The following ZNF469 variants were observed in gnomAD, a reference collection of about 807,000 sequenced individuals.
ZNF469 encodes the protein zinc finger protein 469.
A neutral mutation model predicts 1.0 loss-of-function variants in ZNF469; 1 was observed. The ratio of observed to expected loss-of-function variants is 1.00; its 90% CI spans 0.35 to 4.73. The LOEUF is 4.73. ZNF469 is among the 30% of genes most tolerant of loss of function. The pLI, the probability that ZNF469 is intolerant of heterozygous loss-of-function variation, is 0.16. For synonymous variants in ZNF469, 2,703 were observed against 2,363.4 expected (o/e 1.14, Z -4.17); for missense variants, 6,100 against 5,356.3 (o/e 1.14, Z -4.33).
the ZNF469 span, among the ~76,000 whole-genome samples, chr16:88,120,921 C>G: frequency 1.7e-4 from 26 of 152,290 alleles, no homozygotes; most frequent in South Asian, 1.7e-3. Flanking sequence ...TTTCTTGGTC[C>G]TCAGCCATGC....
the ZNF469 span, among the ~76,000 whole-genome samples, chr16:88,272,928 G>A: frequency 3.5e-4 from 51 of 146,332 alleles, no homozygotes; most frequent in African/African-American, 1.2e-3. Context: ...GTGGATAGAC[G>A]AGTGGACGGA....
the ZNF469 span, among the ~76,000 whole-genome samples, chr16:88,122,132 G>A: frequency 3.9e-3 from 518 of 133,098 alleles, 5 homozygotes; most frequent in African/African-American, 0.014. Flanking sequence ...TGGCCACAGT[G>A]GCCACTCAGA....
the ZNF469 span, among the ~76,000 whole-genome samples, chr16:88,351,580 G>A: frequency 1.3e-3 from 203 of 152,272 alleles, no homozygotes; most frequent in Non-Finnish European, 2.4e-3. Context: ...CGTGTCCTCC[G>A]CGAAAGGACA....
At chr16:88,244,531 TGATGGATGGGCAGGTGCATGGCTG>T in the ZNF469 span, among the ~76,000 whole-genome samples, 1 of 125,754 alleles carries the variant, frequency 8.0e-6, no homozygotes, top group Non-Finnish European at 1.7e-5. Context: ...ATCAGTGAAT[TGATGGATGGGCAGGTGCATGGCTG>T]GATGGGTGGA....
the ZNF469 span, among the ~76,000 whole-genome samples, chr16:88,113,767 C>A: frequency 6.6e-6 from 1 of 152,236 alleles, no homozygotes; most frequent in Admixed American, 6.5e-5. Flanking sequence ...TTCTTAATTT[C>A]ACCGACACGG....
chr16:88,320,564 A>T, the ZNF469 span, among the ~76,000 whole-genome samples: 1 of 152,186 alleles, frequency 6.6e-6, no homozygotes, highest in Middle Eastern at 3.4e-3. Flanking sequence ...TTGTATTTTT[A>T]GTAGAGACTG....
chr16:88,197,151 G>A, the ZNF469 span, among the ~76,000 whole-genome samples: 1 of 152,200 alleles, frequency 6.6e-6, no homozygotes, highest in South Asian at 2.1e-4. Context: ...GAAGCTGGCT[G>A]TCCCTACCCT....
At chr16:88,142,954 CAG>C in the ZNF469 span, among the ~76,000 whole-genome samples, 970 of 152,296 alleles carry the variant, frequency 6.4e-3, 8 homozygotes, top group South Asian at 0.024. Context: ...GCGGCAGAAT[CAG>C]AGTCTCAGGA....
chr16:88,119,664 G>T, the ZNF469 span, among the ~76,000 whole-genome samples: 1 of 152,198 alleles, frequency 6.6e-6, no homozygotes, highest in Non-Finnish European at 1.5e-5. Context: ...GGGTCCAGCC[G>T]TTTGGGTGGA....
At chr16:88,366,101 TCATCACCATCATCATC>T in the ZNF469 span, among the ~76,000 whole-genome samples, 1 of 147,472 alleles carries the variant, frequency 6.8e-6, no homozygotes, top group African/African-American at 2.7e-5. Flanking sequence ...ATCATCACCA[TCATCACCATCATCATC>T]ACCATCATCA....
At chr16:88,121,915 T>A in the ZNF469 span, among the ~76,000 whole-genome samples, 2 of 152,224 alleles carry the variant, frequency 1.3e-5, no homozygotes, top group African/African-American at 2.4e-5. Flanking sequence ...TGCGTCCCTG[T>A]CCTCTCATCA....
the ZNF469 span, among the ~76,000 whole-genome samples, chr16:88,313,722 G>C: frequency 1.1e-4 from 17 of 151,816 alleles, no homozygotes; most frequent in Admixed American, 7.2e-4. Flanking sequence ...GGCAGTGCTG[G>C]TGTGGACTGT....
chr16:88,220,899 C>T, the ZNF469 span, among the ~76,000 whole-genome samples: 1 of 152,226 alleles, frequency 6.6e-6, no homozygotes, highest in Non-Finnish European at 1.5e-5. Context: ...TTGCCACTTG[C>T]TCTCCGGGTC....
rs1463781846 is a variant in ZNF469 at position 88,429,565 on chromosome 16, C to G, written c.2095C>G (p.Arg699Gly). Residue 699 changes from arginine to glycine, a missense_variant, in exon 3 of 3, where the codon CGG (arginine) becomes GGG (glycine). Physicochemically the swap from Arg to Gly is moderately radical, Grantham distance 125. Coordinates refer to ENST00000565624, the MANE Select transcript of ZNF469 (RefSeq NM_001367624.2). ...PFPHEGPEVG[R>G]GGLQGFPRAP... ...CCCCCACGAGGGCCCCGAGGTGGGTCGGGGAGGGCTGCAGGGCTTCCCCCG... is the reference window on the plus strand; with the variant it reads ...CCCCCACGAGGGCCCCGAGGTGGGTGGGGGAGGGCTGCAGGGCTTCCCCCG... The G allele has an allele frequency of 6.5e-7, 1 of 1,549,928 alleles. No homozygotes were observed. Among genetic ancestry groups the G allele is most frequent in the Admixed American group, 2.0e-5 (1 of 50,976 alleles).
chr16:88,426,901 G>A (rs759842816), intron 2 of ZNF469, among the ~76,000 whole-genome samples: 1 of 152,134 alleles, frequency 6.6e-6, no homozygotes, highest in Admixed American at 6.5e-5. Flanking sequence ...CATGGCAGGT[G>A]TAAGCATCCA....
the ZNF469 span, among the ~76,000 whole-genome samples, chr16:88,351,034 G>A: frequency 2.0e-5 from 3 of 152,242 alleles, no homozygotes; most frequent in African/African-American, 4.8e-5. Context: ...GACCTGCCGC[G>A]CTCCCCCGGC....
chr16:88,391,775 T>C (rs1215187869), intron 1 of ZNF469, among the ~76,000 whole-genome samples: 2 of 152,200 alleles, frequency 1.3e-5, no homozygotes, highest in African/African-American at 4.8e-5. Flanking sequence ...TGACTGAACT[T>C]TTCTGTAACA....
the ZNF469 span, among the ~76,000 whole-genome samples, chr16:88,330,346 C>T: frequency 2.0e-4 from 31 of 152,344 alleles, no homozygotes; most frequent in South Asian, 1.0e-3. Context: ...GAAGTGGACT[C>T]CACGTTGCCG....
the ZNF469 span, among the ~76,000 whole-genome samples, chr16:88,282,720 A>T: frequency 6.6e-6 from 1 of 152,170 alleles, no homozygotes; most frequent in Non-Finnish European, 1.5e-5. Context: ...CTCACTGTCA[A>T]TTGTCAGCAC....
Sources: allele counts gnomAD v4.1 joint callset (sites outside exome capture counted in the v4.1 genomes callset), GRCh38; gene constraint gnomAD v4.1.1; transcripts MANE v1.5; gene names NCBI Gene and HGNC (gene_info 2026-07-23, HGNC 2026-07-21).